The following INPP4B variants were observed in gnomAD, a reference collection of about 807,000 sequenced individuals.
INPP4B encodes inositol polyphosphate-4-phosphatase type II B.
Under a neutral mutation model 122.5 loss-of-function variants are expected in INPP4B, and 55 were observed. The observed-to-expected ratio is 0.45, with a 90% CI of 0.36 to 0.56. The LOEUF (loss-of-function observed/expected upper bound fraction) is 0.56, where lower values mean the gene tolerates loss of function less well. INPP4B is among the 20% of genes least tolerant of loss of function. The probability of loss-of-function intolerance (pLI) is 0.00; values close to 1 mark genes in which losing one functional copy is unlikely to be tolerated. For synonymous variants in INPP4B, 403 were observed against 388.7 expected (o/e 1.04, Z -0.43); for missense variants, 1,000 against 1,097.7 (o/e 0.91, Z 1.26).
chr4:142,732,441 AAAT>A (rs1156980191), intron 1 of INPP4B, among the ~76,000 whole-genome samples: 5 of 152,158 alleles, frequency 3.3e-5, no homozygotes, highest in East Asian at 1.9e-4. Flanking sequence ...TTTAAAATGA[AAAT>A]AATGTTTTTA....
intron 20 of INPP4B, 40 bp downstream of exon 20, chr4:142,123,252 A>T: frequency 6.7e-7 from 1 of 1,488,792 alleles, no homozygotes; most frequent in Non-Finnish European, 9.0e-7. Flanking sequence ...GTCCTTCTGA[A>T]TAGAAATGTG....
At chr4:142,435,345 T>C (rs1810205165) in intron 3 of INPP4B, among the ~76,000 whole-genome samples, 1 of 152,126 alleles carries the variant, frequency 6.6e-6, no homozygotes, top group Non-Finnish European at 1.5e-5. Flanking sequence ...GTCCTTTCAA[T>C]AAGAATGAAA....
intron 7 of INPP4B, among the ~76,000 whole-genome samples, chr4:142,350,019 C>T (rs1781470533): frequency 1.3e-5 from 2 of 151,892 alleles, no homozygotes; most frequent in South Asian, 4.1e-4. Flanking sequence ...AATAGTCTTG[C>T]TTTAGGACAC....
chr4:142,429,344 T>C, intron 4 of INPP4B, 127 bp from the exon 5 acceptor site: 1 of 565,958 alleles, frequency 1.8e-6, no homozygotes, highest in Non-Finnish European at 3.1e-6. Flanking sequence ...TGAATAAACT[T>C]GGTTTATCAG....
intron 11 of INPP4B, among the ~76,000 whole-genome samples, chr4:142,246,080 TTA>T (rs1189916700): frequency 3.1e-5 from 4 of 128,366 alleles, no homozygotes; most frequent in Non-Finnish European, 1.6e-5. Flanking sequence ...TATACACACA[TTA>T]TATATATGTG....
At chr4:142,397,158 T>C (rs1799618352) in intron 7 of INPP4B, among the ~76,000 whole-genome samples, 1 of 152,166 alleles carries the variant, frequency 6.6e-6, no homozygotes, top group African/African-American at 2.4e-5. Flanking sequence ...TTATAAAGGG[T>C]AGCAACATTT....
intron 1 of INPP4B, among the ~76,000 whole-genome samples, chr4:142,832,039 G>T (rs139676241): frequency 1.1e-4 from 17 of 152,238 alleles, no homozygotes; most frequent in African/African-American, 3.9e-4. Flanking sequence ...ACAGCAGGAG[G>T]GAAAAACAAT....
chr4:142,296,765 C>T (rs538926450), intron 9 of INPP4B, among the ~76,000 whole-genome samples: 49 of 152,302 alleles, frequency 3.2e-4, no homozygotes, highest in African/African-American at 1.1e-3. Flanking sequence ...GTCCTAATCT[C>T]ACATTTGCAT....
At chr4:142,668,365 G>A (rs1373008267) in intron 2 of INPP4B, among the ~76,000 whole-genome samples, 3 of 151,952 alleles carry the variant, frequency 2.0e-5, no homozygotes, top group Non-Finnish European at 4.4e-5. Flanking sequence ...CAAAATAAAG[G>A]TCACATATGA....
Position 142,678,805 on chromosome 4 carries a change from T to C in INPP4B, c.-191+47034A>G, listed in dbSNP as rs77199082. Among the ~76,000 whole-genome samples, 4 of 152,052 alleles carry C rather than the reference T, an allele frequency of 2.6e-5. No individual in the cohort carries two copies. The East Asian group carries it at 7.8e-4, about 29-fold the overall frequency. ...GACCATCCTTGGAGCATTTAGAAAGTTGAATGTCTCATCTACTCAAACATT... is the reference window on the plus strand; with the variant it reads ...GACCATCCTTGGAGCATTTAGAAAGCTGAATGTCTCATCTACTCAAACATT... On this transcript the variant is annotated intron_variant, in intron 2 of 25. Transcript: ENST00000262992.
chr4:142,408,059 C>G (rs1037309941), intron 5 of INPP4B, among the ~76,000 whole-genome samples: 4 of 152,156 alleles, frequency 2.6e-5, no homozygotes, highest in Non-Finnish European at 4.4e-5. Context: ...CAAATTAGTA[C>G]ATGAGTCATT....
At chr4:142,112,963 A>T (rs572367580) in intron 21 of INPP4B, among the ~76,000 whole-genome samples, 60 of 152,258 alleles carry the variant, frequency 3.9e-4, no homozygotes, top group African/African-American at 1.4e-3. Context: ...GTGCATTGAT[A>T]GCCTCAATTT....
intron 15 of INPP4B, among the ~76,000 whole-genome samples, chr4:142,176,853 A>C (rs912041230): frequency 6.6e-6 from 1 of 152,162 alleles, no homozygotes; most frequent in Admixed American, 6.5e-5. Context: ...CATGCTACAC[A>C]AGGACTCTCA....
chr4:142,274,289 T>C (rs1442781144), intron 9 of INPP4B, among the ~76,000 whole-genome samples: 5 of 151,852 alleles, frequency 3.3e-5, no homozygotes, highest in Admixed American at 2.0e-4. Context: ...TAACTAGCTA[T>C]GTGACTAAGT....
In INPP4B at chr4:142,492,802, C is replaced by A. The variant is rs1452498438; in HGVS notation, c.-190-30076G>T. The stretch of plus-strand genomic sequence containing the variant: ...AAAACCACATTTTCTGGGGAGAAAT[C>A]CAAGCTTGCTGCAGAAATTTGCATA... On this transcript the variant is annotated intron_variant, in intron 2 of 25. Coordinates refer to ENST00000262992, the MANE Select transcript of INPP4B (RefSeq NM_001101669.3). 2.0e-5 allele frequency among the ~76,000 whole-genome samples: 3 copies of A among 152,120 alleles called. No individual in the cohort carries two copies. The East Asian group carries it at 5.8e-4, about 29-fold the overall frequency.
At position 142,421,951 on chromosome 4, in the gene INPP4B, G is replaced by A. The variant is rs543315870; in HGVS notation, c.136+7222C>T. ...TAGGAAGTACAAATCAGTGAGGAGG[G>A]GGATATTGCCTGATGGTTAAAAGCA... On this transcript the variant is annotated intron_variant, in intron 5 of 25. Transcript: ENST00000262992. Among the ~76,000 whole-genome samples, 23 of 152,188 alleles carry A rather than the reference G, an allele frequency of 1.5e-4. No homozygotes were observed. The East Asian group carries it at 3.9e-3, about 26-fold the overall frequency.
At chr4:142,173,973 G>A (rs566651299) in intron 15 of INPP4B, among the ~76,000 whole-genome samples, 164 bp from the exon 16 acceptor site, 1 of 152,088 alleles carries the variant, frequency 6.6e-6, no homozygotes, top group South Asian at 2.1e-4. Flanking sequence ...TTTTATGTAA[G>A]GTGACGAAAA....
chr4:142,228,026 A>G (rs1852382703), intron 12 of INPP4B, among the ~76,000 whole-genome samples: 1 of 151,986 alleles, frequency 6.6e-6, no homozygotes, highest in Admixed American at 6.6e-5. Context: ...GGATGGAATA[A>G]AACTAAAATT....
chr4:142,581,728 C>G (rs1735129312), intron 2 of INPP4B, among the ~76,000 whole-genome samples: 1 of 151,824 alleles, frequency 6.6e-6, no homozygotes, highest in African/African-American at 2.4e-5. Context: ...TTACCTGAAA[C>G]AGAGCACCAC....
Sources: allele counts gnomAD v4.1 joint callset (sites outside exome capture counted in the v4.1 genomes callset), GRCh38; gene constraint gnomAD v4.1.1; transcripts MANE v1.5; gene names NCBI Gene and HGNC (gene_info 2026-07-23, HGNC 2026-07-21).